Variants in GUCY1A2 observed in about 807,000 individuals in gnomAD.
GUCY1A2 encodes guanylate cyclase soluble subunit alpha-2.
In GUCY1A2, 27 loss-of-function variants were observed where a neutral mutation model predicts 63.5. That is an observed-to-expected ratio of 0.43 (90% CI 0.31 to 0.59). GUCY1A2 has a LOEUF of 0.59. Ranked by LOEUF, GUCY1A2 falls within the 20% of genes least tolerant of loss-of-function variation. GUCY1A2 has a pLI of 0.11. For missense variants in GUCY1A2, 768 were observed against 913.3 expected, an observed-to-expected ratio of 0.84 and a Z score of 2.05; for synonymous variants, 364 against 343.5, an observed-to-expected ratio of 1.06 and a Z score of -0.66.
At chr11:106,735,083 C>A (rs1863566597) in intron 6 of GUCY1A2, among the ~76,000 whole-genome samples, 1 of 151,778 alleles carries the variant, frequency 6.6e-6, no homozygotes. Context: ...GTAATAATCA[C>A]ATCAGGGTAA....
chr11:106,878,696 C>A (rs543692358), intron 4 of GUCY1A2, among the ~76,000 whole-genome samples: 1 of 147,168 alleles, frequency 6.8e-6, no homozygotes, highest in Non-Finnish European at 1.5e-5. Context: ...AATACATGGT[C>A]AAGAAAATAA....
intron 3 of GUCY1A2, among the ~76,000 whole-genome samples, chr11:106,947,799 A>T (rs1175835395): frequency 6.6e-6 from 1 of 152,058 alleles, no homozygotes; most frequent in Non-Finnish European, 1.5e-5. Flanking sequence ...CACAATTCTG[A>T]GGTACAACAA....
At chr11:106,719,045 T>C (rs1468163256) in intron 6 of GUCY1A2, among the ~76,000 whole-genome samples, 2 of 152,148 alleles carry the variant, frequency 1.3e-5, no homozygotes, top group African/African-American at 4.8e-5. Context: ...CATTCTGTGA[T>C]ATTTTAGTTA....
At chr11:106,707,246 T>A (rs1862933175) in intron 7 of GUCY1A2, among the ~76,000 whole-genome samples, 1 of 152,118 alleles carries the variant, frequency 6.6e-6, no homozygotes, top group South Asian at 2.1e-4. Flanking sequence ...TGGAAGTATC[T>A]GCTTTCATCT....
rs540641905 is a variant in GUCY1A2, at chr11:106,794,624, C to T, written c.1692+15369G>A. ...TATATCAAATTGTCACATTGTCAAC[C>T]TTAAATTTATACTATTTTTATTTAA... On this transcript the variant is annotated intron_variant, in intron 5 of 7. Coordinates refer to ENST00000526355, the MANE Select transcript of GUCY1A2 (RefSeq NM_000855.3). 4.2e-4 allele frequency among the ~76,000 whole-genome samples: 64 copies of T among 151,898 alleles called. 1 individual carries two copies. In the South Asian group the frequency reaches 9.0e-3, roughly 21 times the overall value.
chr11:106,822,499 G>A (rs917709784), intron 4 of GUCY1A2, among the ~76,000 whole-genome samples: 1 of 151,964 alleles, frequency 6.6e-6, no homozygotes, highest in Admixed American at 6.6e-5. Context: ...GTAGTTTTTC[G>A]ACCCTCACCC....
chr11:106,770,962 T>G (rs1389985520), intron 6 of GUCY1A2, among the ~76,000 whole-genome samples: 1 of 151,858 alleles, frequency 6.6e-6, no homozygotes, highest in African/African-American at 2.4e-5. Context: ...CAATGTTTCC[T>G]GCATACTTGC....
At chr11:106,887,250 C>G (rs1859912784) in intron 4 of GUCY1A2, among the ~76,000 whole-genome samples, 1 of 152,124 alleles carries the variant, frequency 6.6e-6, no homozygotes, top group Non-Finnish European at 1.5e-5. Flanking sequence ...CCTGCCACCA[C>G]CCAATCCTGC....
intron 4 of GUCY1A2, among the ~76,000 whole-genome samples, chr11:106,934,109 A>C (rs530157953): frequency 6.6e-6 from 1 of 152,316 alleles, no homozygotes; most frequent in South Asian, 2.1e-4. Flanking sequence ...TCAAATTATT[A>C]AAAAATAATA....
At chr11:106,710,191 T>A (rs539143610) in intron 6 of GUCY1A2, among the ~76,000 whole-genome samples, 63 of 53,782 alleles carry the variant, frequency 1.2e-3, no homozygotes, top group South Asian at 2.1e-3. Flanking sequence ...ATATATATAA[T>A]ATATAGTTAT....
intron 3 of GUCY1A2, among the ~76,000 whole-genome samples, chr11:106,965,085 T>C (rs1861110693): frequency 6.6e-6 from 1 of 152,146 alleles, no homozygotes; most frequent in South Asian, 2.1e-4. Context: ...GTTGTTTTTT[T>C]TTTAGGAAAC....
At chr11:106,893,380 G>A (rs1860000340) in intron 4 of GUCY1A2, among the ~76,000 whole-genome samples, 1 of 151,626 alleles carries the variant, frequency 6.6e-6, no homozygotes, top group African/African-American at 2.4e-5. Context: ...AAATAATTTA[G>A]TCTTTAAAAA....
At chr11:106,757,677 G>A (rs746220457) in intron 6 of GUCY1A2, among the ~76,000 whole-genome samples, 29 of 152,146 alleles carry the variant, frequency 1.9e-4, no homozygotes, top group Non-Finnish European at 3.4e-4. Flanking sequence ...TATCACCAGC[G>A]GAGGCTGCAG....
At chr11:106,970,610 T>C (rs564774204) in intron 3 of GUCY1A2, among the ~76,000 whole-genome samples, 2 of 152,100 alleles carry the variant, frequency 1.3e-5, no homozygotes, top group South Asian at 4.1e-4. Flanking sequence ...TGAAGAGCAA[T>C]AGGAAGTCTC....
intron 3 of GUCY1A2, among the ~76,000 whole-genome samples, chr11:106,945,832 C>T (rs911110295): frequency 6.6e-6 from 1 of 152,108 alleles, no homozygotes; most frequent in Non-Finnish European, 1.5e-5. Context: ...GGCATGGTGG[C>T]GCATGCCTAT....
intron 5 of GUCY1A2, among the ~76,000 whole-genome samples, chr11:106,807,620 C>A (rs1050346406): frequency 6.6e-6 from 1 of 152,062 alleles, no homozygotes; most frequent in Non-Finnish European, 1.5e-5. Flanking sequence ...TGAGTGTAAA[C>A]GTCATTGGAT....
intron 3 of GUCY1A2, among the ~76,000 whole-genome samples, chr11:106,956,638 G>C (rs995808433): frequency 2.6e-5 from 4 of 152,198 alleles, no homozygotes; most frequent in African/African-American, 9.7e-5. Flanking sequence ...CTGGAGAGCA[G>C]TAAAGATGGG....
chr11:106,697,613 A>C (rs904414197), intron 7 of GUCY1A2, among the ~76,000 whole-genome samples: 1 of 152,220 alleles, frequency 6.6e-6, no homozygotes, highest in Non-Finnish European at 1.5e-5. Context: ...CATTTCCTTC[A>C]AAGGACAATG....
At chr11:107,015,560 GCAAAAA>G (rs1403398454) in intron 1 of GUCY1A2, among the ~76,000 whole-genome samples, 1 of 58,936 alleles carries the variant, frequency 1.7e-5, no homozygotes, top group Non-Finnish European at 2.8e-5. Context: ...ATTCTCTTAG[GCAAAAA>G]AAAAAAAAAA....
Sources: allele counts gnomAD v4.1 joint callset (sites outside exome capture counted in the v4.1 genomes callset), GRCh38; gene constraint gnomAD v4.1.1; transcripts MANE v1.5; gene names NCBI Gene and HGNC (gene_info 2026-07-23, HGNC 2026-07-21).